PLCB1: variants seen among roughly 807,000 people sequenced by gnomAD.
The protein encoded by PLCB1 is 1-phosphatidylinositol 4,5-bisphosphate phosphodiesterase beta-1.
PLCB1 carries 46 observed loss-of-function variants against 161.8 expected under a neutral mutation model. The ratio of observed to expected loss-of-function variants is 0.28; its 90% CI spans 0.22 to 0.36. The LOEUF is 0.36. PLCB1 is among the 10% of genes least tolerant of loss of function. PLCB1 has a pLI of 1.00. For synonymous variants in PLCB1, 517 were observed against 503.7 expected (o/e 1.03, Z -0.35); for missense variants, 1,016 against 1,472.5 (o/e 0.69, Z 5.07).
At chr20:8,220,617 G>T (rs1046864587) in intron 2 of PLCB1, among the ~76,000 whole-genome samples, 1 of 152,292 alleles carries the variant, frequency 6.6e-6, no homozygotes, top group Middle Eastern at 3.4e-3. Flanking sequence ...GCCAAGGACT[G>T]CCAGGAGCCA....
intron 3 of PLCB1, among the ~76,000 whole-genome samples, chr20:8,401,637 T>A (rs1978556654): frequency 1.3e-5 from 2 of 152,146 alleles, no homozygotes; most frequent in African/African-American, 4.8e-5. Context: ...GCAAAAACAT[T>A]CCAAGATAGC....
chr20:8,561,117 G>T (rs1048840657), intron 3 of PLCB1, among the ~76,000 whole-genome samples: 15 of 151,872 alleles, frequency 9.9e-5, no homozygotes, highest in Non-Finnish European at 8.8e-5. Context: ...CTGGGACTTG[G>T]CAGGGACTGT....
intron 2 of PLCB1, among the ~76,000 whole-genome samples, chr20:8,186,824 GA>G (rs2051911360): frequency 6.6e-6 from 1 of 152,158 alleles, no homozygotes; most frequent in Non-Finnish European, 1.5e-5. Context: ...AGGTTGGTTG[GA>G]AGTGTCCTGG....
rs544288203 is a variant in PLCB1 at position 8,880,317 on chromosome 20, G to A, written c.3424-1305G>A. On this transcript the variant is annotated intron_variant, in intron 31 of 31. Transcript: ENST00000338037. ...CCAGACAACTCTCCCTGTTGCCCCC[G>A]TTCTCTCCCTGTCTACCGGAGAATC... 1.7e-4 allele frequency among the ~76,000 whole-genome samples: 26 copies of A among 152,148 alleles called. No homozygotes were observed. The South Asian group carries it at 5.2e-3, about 30-fold the overall frequency.
intron 26 of PLCB1, among the ~76,000 whole-genome samples, chr20:8,771,877 G>GTTCCTTCCTTCCTTCATTCCTTCCTTCC (rs139759464): frequency 1.5e-4 from 22 of 150,146 alleles, no homozygotes; most frequent in Non-Finnish European, 2.8e-4. Context: ...TCCTTCCTTC[G>GTTCCTTCCTTCCTTCATTCCTTCCTTCC]TTCCTTCCTT....
intron 3 of PLCB1, among the ~76,000 whole-genome samples, chr20:8,377,147 G>C (rs926559794): frequency 5.3e-5 from 8 of 152,132 alleles, no homozygotes; most frequent in African/African-American, 1.9e-4. Context: ...AAGTCCCACT[G>C]AGAAGCATAA....
At chr20:8,695,744 A>C (rs1990571411) in intron 10 of PLCB1, among the ~76,000 whole-genome samples, 1 of 152,224 alleles carries the variant, frequency 6.6e-6, no homozygotes. Context: ...TATAGAATAT[A>C]AATCAAAGAA....
Position 8,681,459 on chromosome 20 carries a change from T to C in PLCB1, c.863-3473T>C, listed in dbSNP as rs187376349. 2.6e-5 allele frequency among the ~76,000 whole-genome samples: 4 copies of C among 152,326 alleles called. No homozygotes were observed. In the East Asian group the frequency reaches 7.7e-4, roughly 29 times the overall value. On this transcript the variant is annotated intron_variant, in intron 9 of 31. Transcript: ENST00000338037. ...CTATGTTGTTGTTTTTTCTTGCTTT[T>C]AAAAGTTGCTGATCAAACCAAAGGA...
At chr20:8,546,817 T>C in intron 3 of PLCB1, among the ~76,000 whole-genome samples, 1 of 152,202 alleles carries the variant, frequency 6.6e-6, no homozygotes, top group African/African-American at 2.4e-5. Context: ...ATCACATTTC[T>C]GTTTTCCAAA....
At position 8,506,120 on chromosome 20, in the gene PLCB1, C is replaced by T. The variant is rs80043417; in HGVS notation, c.247-122174C>T. Among the ~76,000 whole-genome samples, 92 of 152,312 alleles carry T rather than the reference C, an allele frequency of 6.0e-4. No homozygotes were observed. In the East Asian group the frequency reaches 0.016, roughly 27 times the overall value. On this transcript the variant is annotated intron_variant, in intron 3 of 31. Transcript: ENST00000338037. Reference sequence around the variant, plus strand: ...TCTTTTATAACTTTGTTTAACATAACACTTGAGCCAACATGGTATGATCTG... The same window carrying T: ...TCTTTTATAACTTTGTTTAACATAATACTTGAGCCAACATGGTATGATCTG...
intron 2 of PLCB1, among the ~76,000 whole-genome samples, chr20:8,329,148 T>C (rs1985269267): frequency 6.6e-6 from 1 of 152,170 alleles, no homozygotes; most frequent in South Asian, 2.1e-4. Flanking sequence ...TTTGGTGAAA[T>C]GGTTCTGTAT....
intron 3 of PLCB1, among the ~76,000 whole-genome samples, chr20:8,459,663 A>C (rs1568684588): frequency 6.6e-6 from 1 of 152,222 alleles, no homozygotes; most frequent in Non-Finnish European, 1.5e-5. Flanking sequence ...TATTATCTAA[A>C]GGGATTGTTA....
intron 4 of PLCB1, among the ~76,000 whole-genome samples, chr20:8,637,544 A>G (rs566144712): frequency 3.9e-5 from 6 of 152,324 alleles, no homozygotes; most frequent in African/African-American, 1.4e-4. Flanking sequence ...TTCTCTCCAA[A>G]AAAAAGTTAA....
At chr20:8,560,821 A>G (rs1296746510) in intron 3 of PLCB1, among the ~76,000 whole-genome samples, 1 of 151,946 alleles carries the variant, frequency 6.6e-6, no homozygotes, top group African/African-American at 2.4e-5. Flanking sequence ...TATATGTGTA[A>G]TTTGAGATTC....
intron 3 of PLCB1, among the ~76,000 whole-genome samples, chr20:8,480,292 AC>A (rs1271325704): frequency 8.9e-6 from 1 of 112,782 alleles, no homozygotes; most frequent in Non-Finnish European, 1.9e-5. Flanking sequence ...CATATCCACC[AC>A]CACAAAATGG....
At chr20:8,315,195 G>A (rs780285706) in intron 2 of PLCB1, among the ~76,000 whole-genome samples, 9 of 152,204 alleles carry the variant, frequency 5.9e-5, no homozygotes, top group East Asian at 1.9e-4. Flanking sequence ...TGGCTCCTTC[G>A]TCATGGAGCT....
chr20:8,661,943 A>G (rs1294261484), intron 9 of PLCB1, among the ~76,000 whole-genome samples: 2 of 103,744 alleles, frequency 1.9e-5, no homozygotes, highest in African/African-American at 3.5e-5. Flanking sequence ...TTAAAAGTGT[A>G]TATATATATA....
At position 8,765,171 on chromosome 20, in the gene PLCB1, C is replaced by T. The variant is rs1178337934; in HGVS notation, c.2743C>T (p.Gln915Ter). 6.2e-7 allele frequency: 1 copy of T among 1,613,662 alleles called. No individual in the cohort carries two copies. The highest frequency in any genetic ancestry group is 1.3e-5 in the African/African-American group (1 of 74,850). ...AGCACAGACCATCGAAGAACTAAAG[C>T]AACAGAAATCGTTTGTGAAACTTCA... Reference protein sequence around the residue: ...VEAQTIEELKQQKSFVKLQKK... With the variant: ...VEAQTIEELK The change falls in exon 26 of 32, where the codon CAA (glutamine) becomes TAA (stop). Residue 915 changes from glutamine (Q) to a stop codon, truncating the protein, a stop_gained. Transcript: ENST00000338037. LOFTEE classifies it high-confidence loss of function.
intron 2 of PLCB1, among the ~76,000 whole-genome samples, chr20:8,191,744 T>C (rs921815869): frequency 2.6e-5 from 4 of 152,052 alleles, no homozygotes; most frequent in African/African-American, 9.7e-5. Flanking sequence ...TAAATTTCAA[T>C]TATGAAATTA....
Sources: gnomAD v4.1 joint callset for allele counts (sites outside exome capture counted in the v4.1 genomes callset) on GRCh38, gnomAD v4.1.1 for gene constraint, MANE v1.5 for transcripts, NCBI Gene and HGNC (gene_info 2026-07-23, HGNC 2026-07-21) for gene names.